Variants in NFATC2 observed in about 807,000 individuals in gnomAD.
NFATC2 encodes the protein nuclear factor of activated T cells 2.
A neutral mutation model predicts 87.3 loss-of-function variants in NFATC2; 22 were observed. That is an observed-to-expected ratio of 0.25 (90% CI 0.18 to 0.36). The LOEUF is 0.36. Among genes scored for constraint, NFATC2 ranks in the 10% least tolerant of loss-of-function variants. NFATC2 has a pLI of 1.00. For missense variants in NFATC2, 1,149 were observed against 1,259.1 expected (o/e 0.91, Z 1.32); for synonymous variants, 565 against 542.2 (o/e 1.04, Z -0.58).
chr20:51,400,885 T>C (rs557312084), intron 9 of NFATC2, among the ~76,000 whole-genome samples: 1 of 152,198 alleles, frequency 6.6e-6, no homozygotes, highest in African/African-American at 2.4e-5. Context: ...CCCAGCTCTA[T>C]GGGTACTAGT....
chr20:51,421,221 G>T lies in NFATC2; in HGVS notation c.2722+10846C>A, dbSNP rs140242717. On this transcript the variant is annotated intron_variant, in intron 9 of 10. Transcript: ENST00000371564. ...GAAGCCTCGTGGTGGGTATGTAGGG[G>T]TACCTTGTACTATGCTATAGTTACA... Among the ~76,000 whole-genome samples the T allele has an allele frequency of 3.1e-3, 469 of 152,224 alleles. 2 individuals carry two copies. Among genetic ancestry groups the T allele is most frequent in the African/African-American group, 0.011 (453 of 41,532 alleles).
At chr20:51,413,005 C>CT (rs1274048431) in intron 9 of NFATC2, among the ~76,000 whole-genome samples, 13 of 137,208 alleles carry the variant, frequency 9.5e-5, no homozygotes, top group South Asian at 5.2e-4. Flanking sequence ...CGCCCCCCCC[C>CT]CTCCCCGCCA....
chr20:51,487,824 A>G (rs3787196), intron 3 of NFATC2, among the ~76,000 whole-genome samples: 12,547 of 150,446 alleles, frequency 0.083, 641 homozygotes, highest in East Asian at 0.22. Flanking sequence ...AAAAAAAAGG[A>G]GAAGGCAGAC....
chr20:51,540,647 G>GTTTTTTTTTTTTTTTTTTTTTTTTTTTTT (rs375172598), intron 1 of NFATC2, among the ~76,000 whole-genome samples: 2 of 112,966 alleles, frequency 1.8e-5, no homozygotes, highest in Non-Finnish European at 3.4e-5. Context: ...AAAAACTGAA[G>GTTTTTTTTTTTTTTTTTTTTTTTTTTTTT]TTTTTTTTTT....
intron 1 of NFATC2, among the ~76,000 whole-genome samples, chr20:51,540,647 G>GTTTTTTTTGTTTTTTTTTT (rs2076793590): frequency 8.9e-6 from 1 of 112,974 alleles, no homozygotes; most frequent in African/African-American, 4.4e-5. Context: ...AAAAACTGAA[G>GTTTTTTTTGTTTTTTTTTT]TTTTTTTTTT....
At chr20:51,415,491 T>C (rs1979926663) in intron 9 of NFATC2, among the ~76,000 whole-genome samples, 1 of 152,064 alleles carries the variant, frequency 6.6e-6, no homozygotes, top group Non-Finnish European at 1.5e-5. Flanking sequence ...CCACCACCTG[T>C]CTCTGGGGAT....
chr20:51,410,540 A>AAGGAAGAGAGGGAGAGAAAGAGGGAG (rs1979060839), intron 9 of NFATC2, among the ~76,000 whole-genome samples: 2 of 151,966 alleles, frequency 1.3e-5, no homozygotes, highest in Non-Finnish European at 2.9e-5. Context: ...ATTTAAAGGA[A>AAGGAAGAGAGGGAGAGAAAGAGGGAG]AGGAAGAGAG....
At chr20:51,433,397 T>C (rs1489553953) in intron 8 of NFATC2, among the ~76,000 whole-genome samples, 2 of 152,148 alleles carry the variant, frequency 1.3e-5, no homozygotes, top group Non-Finnish European at 2.9e-5. Context: ...AGTTTCCCCA[T>C]CTGTTACCTG....
At chr20:51,519,719 G>A (rs1334620963) in intron 2 of NFATC2, among the ~76,000 whole-genome samples, 2 of 140,482 alleles carry the variant, frequency 1.4e-5, no homozygotes, top group Admixed American at 7.6e-5. Context: ...TTTGAGACCA[G>A]CCTGACCAAC....
At chr20:51,548,150 T>A (rs1478375184) in intron 1 of NFATC2, among the ~76,000 whole-genome samples, 4 of 152,186 alleles carry the variant, frequency 2.6e-5, no homozygotes, top group Non-Finnish European at 5.9e-5. Context: ...TCTGCCACCC[T>A]GATCGTCCGC....
intron 6 of NFATC2, among the ~76,000 whole-genome samples, chr20:51,448,518 C>T (rs868249796): frequency 3.3e-5 from 5 of 152,198 alleles, no homozygotes; most frequent in Non-Finnish European, 7.3e-5. Context: ...GTGGCAGGTG[C>T]CTATAGTCCC....
intron 5 of NFATC2, among the ~76,000 whole-genome samples, chr20:51,468,219 G>A (rs1027672085): frequency 1.3e-5 from 2 of 152,314 alleles, no homozygotes; most frequent in South Asian, 4.2e-4. Flanking sequence ...TGAAGAAAGT[G>A]CTCTGTCTTG....
At chr20:51,398,019 A>G (rs571904386) in intron 10 of NFATC2, among the ~76,000 whole-genome samples, 3 of 152,264 alleles carry the variant, frequency 2.0e-5, no homozygotes, top group African/African-American at 7.2e-5. Flanking sequence ...AGGCCCATCG[A>G]GGTGGATCTG....
At chr20:51,487,962 G>A (rs1028925580) in intron 3 of NFATC2, among the ~76,000 whole-genome samples, 2 of 152,126 alleles carry the variant, frequency 1.3e-5, no homozygotes, top group African/African-American at 2.4e-5. Flanking sequence ...GCGCTGAGAC[G>A]GGCTCTGTCG....
chr20:51,508,277 C>T (rs141697327), intron 3 of NFATC2, among the ~76,000 whole-genome samples: 3 of 152,218 alleles, frequency 2.0e-5, no homozygotes, highest in Non-Finnish European at 2.9e-5. Flanking sequence ...TCTCTGCCTG[C>T]GCCAGCCCCG....
chr20:51,472,701 T>C (rs1392711673), intron 5 of NFATC2, among the ~76,000 whole-genome samples: 1 of 147,416 alleles, frequency 6.8e-6, no homozygotes, highest in Admixed American at 6.9e-5. Flanking sequence ...AGTGGTGCGA[T>C]CTCAGCTCAT....
At chr20:51,470,772 T>C (rs1988134343) in intron 5 of NFATC2, among the ~76,000 whole-genome samples, 1 of 152,218 alleles carries the variant, frequency 6.6e-6, no homozygotes, top group Non-Finnish European at 1.5e-5. Context: ...CTGTGGATTA[T>C]ACAGTAAGTA....
intron 3 of NFATC2, among the ~76,000 whole-genome samples, chr20:51,492,658 A>G (rs1217479657): frequency 6.6e-6 from 1 of 152,078 alleles, no homozygotes. Context: ...TCCCACTCCC[A>G]CTGGCTAATG....
intron 5 of NFATC2, among the ~76,000 whole-genome samples, chr20:51,466,131 C>T (rs1254096069): frequency 6.6e-6 from 1 of 152,194 alleles, no homozygotes; most frequent in Non-Finnish European, 1.5e-5. Flanking sequence ...CGGCTCACTG[C>T]AACCTCCGCC....
Sources: gnomAD v4.1 joint callset for allele counts (sites outside exome capture counted in the v4.1 genomes callset) on GRCh38, gnomAD v4.1.1 for gene constraint, MANE v1.5 for transcripts, NCBI Gene and HGNC (gene_info 2026-07-23, HGNC 2026-07-21) for gene names.